Variants in THSD4 observed in about 807,000 individuals in gnomAD.
The protein encoded by THSD4 is thrombospondin type-1 domain-containing protein 4.
In THSD4, 69 loss-of-function variants were observed where a neutral mutation model predicts 119.0. The observed-to-expected ratio is 0.58, with a 90% CI of 0.48 to 0.71. The LOEUF is 0.71. Among genes scored for constraint, THSD4 ranks in the 30% least tolerant of loss-of-function variants. THSD4 has a pLI of 0.00. For missense variants in THSD4, 1,393 were observed against 1,391.1 expected (o/e 1.00, Z -0.02); for synonymous variants, 524 against 540.4 (o/e 0.97, Z 0.42).
rs187550189 is a variant in THSD4, at chr15:71,340,833, C to T, written c.1016-70854C>T. Among the ~76,000 whole-genome samples, 9 of 152,210 alleles carry T rather than the reference C, an allele frequency of 5.9e-5. No individual in the cohort carries two copies. The East Asian group carries it at 1.7e-3, about 29-fold the overall frequency. On this transcript the variant is annotated intron_variant, in intron 6 of 17. Coordinates refer to ENST00000261862, the MANE Select transcript of THSD4 (RefSeq NM_024817.3). ...CAGGGTAGTCTTGAACTCTTGAGCT[C>T]AGGTGGTCCACCCACCTCTGCCTCC...
Position 71,547,298 on chromosome 15 carries a change from C to T in THSD4, c.1153-113232C>T, listed in dbSNP as rs568720691. The T allele has an allele frequency of 2.2e-4, 326 of 1,509,250 alleles. 1 individual carries two copies. The highest frequency in any genetic ancestry group is 2.7e-4 in the Non-Finnish European group (306 of 1,127,294). The allele number at this position is 1,509,250 out of a possible 1,614,324, so 93.5% of individuals were successfully genotyped here. A position where few individuals can be genotyped will look rare whatever the true frequency, so the allele number is the denominator to read the frequency against. On this transcript the variant is annotated intron_variant, in intron 7 of 17. Transcript: ENST00000261862. ...TGAGGGAGAGCCGAGGGAACCAGCG[C>T]GGTGCCTAGCGGAACTCCAGGGCTG...
chr15:71,408,565 G>C (rs4448889), intron 6 of THSD4, among the ~76,000 whole-genome samples: 2 of 151,990 alleles, frequency 1.3e-5, no homozygotes, highest in Non-Finnish European at 2.9e-5. Context: ...TTTAAAGGAG[G>C]TGGGGGCTGG....
chr15:71,764,891 C>A (rs1276359536), intron 15 of THSD4, 129 bp from the exon 16 acceptor site: 2 of 1,192,588 alleles, frequency 1.7e-6, no homozygotes, highest in Non-Finnish European at 2.3e-6. Flanking sequence ...TTTCCAAGTT[C>A]TCCTGGGTTC....
intron 7 of THSD4, among the ~76,000 whole-genome samples, chr15:71,647,264 C>T (rs1007406160): frequency 6.6e-6 from 1 of 152,142 alleles, no homozygotes; most frequent in Admixed American, 6.5e-5. Flanking sequence ...CTGCTATTGC[C>T]CTACCTTTCA....
chr15:71,608,785 G>C (rs1024055825), intron 7 of THSD4, among the ~76,000 whole-genome samples: 2 of 152,132 alleles, frequency 1.3e-5, no homozygotes, highest in South Asian at 2.1e-4. Flanking sequence ...TTTAAAATTT[G>C]CTATCACTTA....
At chr15:71,408,084 C>G (rs2046631901) in intron 6 of THSD4, among the ~76,000 whole-genome samples, 5 of 152,050 alleles carry the variant, frequency 3.3e-5, no homozygotes, top group Non-Finnish European at 7.4e-5. Flanking sequence ...TTGTGTTTTC[C>G]CACTTTCCCT....
chr15:71,529,304 C>T (rs1328803645), intron 7 of THSD4, among the ~76,000 whole-genome samples: 1 of 138,660 alleles, frequency 7.2e-6, no homozygotes, highest in Non-Finnish European at 1.7e-5. Flanking sequence ...GCTAGCTTTG[C>T]CTTAACGAAT....
chr15:71,242,488 G>A (rs950296158), intron 4 of THSD4, among the ~76,000 whole-genome samples, 161 bp from the exon 5 acceptor site: 3 of 151,970 alleles, frequency 2.0e-5, no homozygotes, highest in East Asian at 1.9e-4. Flanking sequence ...CTCCATGATG[G>A]TGCCTTCTAA....
chr15:71,104,323 G>A (rs928092787), intron 1 of THSD4, among the ~76,000 whole-genome samples: 2 of 150,604 alleles, frequency 1.3e-5, no homozygotes, highest in Admixed American at 6.7e-5. Flanking sequence ...GTTTCTCTTC[G>A]CTCACACAAT....
At chr15:71,682,864 CTTT>C in intron 8 of THSD4, among the ~76,000 whole-genome samples, 2 of 17,968 alleles carry the variant, frequency 1.1e-4, no homozygotes, top group East Asian at 9.7e-4. Context: ...TACTTTCTTT[CTTT>C]CTTTCTTTCT....
In THSD4 at chr15:71,641,074, C is replaced by T. The variant is rs531475494; in HGVS notation, c.1153-19456C>T. Among the ~76,000 whole-genome samples the T allele has an allele frequency of 7.2e-5, 11 of 152,130 alleles. No individual in the cohort carries two copies. In the South Asian group the frequency reaches 2.3e-3, roughly 32 times the overall value. On this transcript the variant is annotated intron_variant, in intron 7 of 17. Coordinates refer to ENST00000261862, the MANE Select transcript of THSD4 (RefSeq NM_024817.3). ...GACTCCGGTGGTGAAGAGCTCACTT[C>T]CTCCCAAAACAGCCCTTCCATCTTC...
At chr15:71,205,190 G>T (rs2043833561) in intron 3 of THSD4, among the ~76,000 whole-genome samples, 1 of 152,200 alleles carries the variant, frequency 6.6e-6, no homozygotes, top group Non-Finnish European at 1.5e-5. Flanking sequence ...ATTACCCCGT[G>T]GCTCTCACCT....
intron 8 of THSD4, among the ~76,000 whole-genome samples, chr15:71,727,894 C>A (rs190368300): frequency 6.6e-6 from 1 of 151,484 alleles, no homozygotes; most frequent in South Asian, 2.1e-4. Context: ...GAGACTTAAC[C>A]TCAGTGTTGG....
chr15:71,470,930 C>T (rs981146980), intron 7 of THSD4, among the ~76,000 whole-genome samples: 10 of 152,128 alleles, frequency 6.6e-5, no homozygotes, highest in Non-Finnish European at 7.4e-5. Flanking sequence ...CCACCGCGCC[C>T]GGCCTGAGTG....
chr15:71,530,557 C>A lies in THSD4; in HGVS notation c.1152+118734C>A, dbSNP rs118059311. Among the ~76,000 whole-genome samples the A allele has an allele frequency of 2.9e-3, 438 of 152,236 alleles. 1 individual carries two copies. The highest frequency in any genetic ancestry group is 4.8e-3 in the Non-Finnish European group (328 of 68,026). Reference sequence around the variant, plus strand: ...TGCCCACGTATTTAAAAGCCCCAATCATTCATTATCCAGCACAAAGATGGT... The same window carrying A: ...TGCCCACGTATTTAAAAGCCCCAATAATTCATTATCCAGCACAAAGATGGT... On this transcript the variant is annotated intron_variant, in intron 7 of 17. Coordinates refer to ENST00000261862, the MANE Select transcript of THSD4 (RefSeq NM_024817.3).
At chr15:71,541,329 G>T (rs1414345389) in intron 7 of THSD4, among the ~76,000 whole-genome samples, 1 of 152,132 alleles carries the variant, frequency 6.6e-6, no homozygotes, top group African/African-American at 2.4e-5. Flanking sequence ...TTACAATTTG[G>T]AATAGCCGCA....
At chr15:71,736,229 C>T (rs2053101460) in intron 10 of THSD4, among the ~76,000 whole-genome samples, 1 of 150,890 alleles carries the variant, frequency 6.6e-6, no homozygotes, top group Non-Finnish European at 1.5e-5. Flanking sequence ...CTCTGTCTCT[C>T]TCTTGCTCTC....
At chr15:71,363,707 G>A (rs954171777) in intron 6 of THSD4, among the ~76,000 whole-genome samples, 2 of 152,086 alleles carry the variant, frequency 1.3e-5, no homozygotes, top group African/African-American at 4.8e-5. Flanking sequence ...ACATATAGAG[G>A]TCATCAGGTA....
chr15:71,423,780 TG>T (rs1449740889), intron 7 of THSD4, among the ~76,000 whole-genome samples: 2 of 152,202 alleles, frequency 1.3e-5, no homozygotes, highest in African/African-American at 4.8e-5. Context: ...TGGCCTAGAC[TG>T]CCTTTCAGGT....
Sources: gnomAD v4.1 joint callset for allele counts (sites outside exome capture counted in the v4.1 genomes callset) on GRCh38, gnomAD v4.1.1 for gene constraint, MANE v1.5 for transcripts, NCBI Gene and HGNC (gene_info 2026-07-23, HGNC 2026-07-21) for gene names.